FARS2: variants seen among roughly 807,000 people sequenced by gnomAD.
FARS2 encodes the protein phenylalanine--tRNA ligase, mitochondrial.
FARS2 carries 40 observed loss-of-function variants against 46.4 expected under a neutral mutation model. The observed-to-expected ratio is 0.86, with a 90% CI of 0.67 to 1.12. The LOEUF is 1.12. Ranked by LOEUF, FARS2 falls within the 50% of genes most tolerant of loss-of-function variation. The pLI is 0.00. For missense variants in FARS2, 513 were observed against 567.9 expected (o/e 0.90, Z 0.98); for synonymous variants, 234 against 214.9 (o/e 1.09, Z -0.78).
At chr6:5,354,959 A>G (rs1442644325) in intron 1 of FARS2, among the ~76,000 whole-genome samples, 2 of 152,126 alleles carry the variant, frequency 1.3e-5, no homozygotes, top group Admixed American at 6.5e-5. Flanking sequence ...GGTGATGTCA[A>G]TGTCACTGGT....
At chr6:5,584,845 TTG>T (rs2150588507) in intron 5 of FARS2, among the ~76,000 whole-genome samples, 1 of 152,332 alleles carries the variant, frequency 6.6e-6, no homozygotes, top group African/African-American at 2.4e-5. Context: ...AGGCCTATGT[TTG>T]TGCATTTGCC....
intron 1 of FARS2, among the ~76,000 whole-genome samples, chr6:5,341,037 A>T (rs1295143601): frequency 1.3e-5 from 2 of 150,256 alleles, no homozygotes; most frequent in African/African-American, 2.4e-5. Context: ...AATCCCAGCT[A>T]CTCAGGAGGC....
chr6:5,340,586 G>A (rs1267498381), intron 1 of FARS2, among the ~76,000 whole-genome samples: 1 of 152,012 alleles, frequency 6.6e-6, no homozygotes, highest in Admixed American at 6.5e-5. Flanking sequence ...TTTAGCCTAC[G>A]TTTTCCTAAT....
At chr6:5,570,711 A>G (rs758480263) in intron 5 of FARS2, among the ~76,000 whole-genome samples, 39 of 152,356 alleles carry the variant, frequency 2.6e-4, no homozygotes, top group Non-Finnish European at 3.4e-4. Context: ...GCACAGAACC[A>G]CAACATGATT....
At chr6:5,363,559 G>A (rs1006976764) in intron 1 of FARS2, among the ~76,000 whole-genome samples, 1 of 152,126 alleles carries the variant, frequency 6.6e-6, no homozygotes, top group Non-Finnish European at 1.5e-5. Context: ...GAGAGAAAGA[G>A]TATGTGTATA....
At chr6:5,541,922 C>G (rs1327566651) in intron 4 of FARS2, among the ~76,000 whole-genome samples, 1 of 152,058 alleles carries the variant, frequency 6.6e-6, no homozygotes, top group Non-Finnish European at 1.5e-5. Context: ...GGGTTCCTCC[C>G]CCTTTTAGAG....
In FARS2 at chr6:5,434,207, G is replaced by T. The variant is rs534024327; in HGVS notation, c.904+3035G>T. On this transcript the variant is annotated intron_variant, in intron 4 of 6. Coordinates refer to ENST00000274680, the MANE Select transcript of FARS2 (RefSeq NM_006567.5). Reference sequence around the variant, plus strand: ...CCACTGCAACCTCTGCCCCCGCTGGGTTCAAGCGATTCTTGTGCCTCAGCC... The same window carrying T: ...CCACTGCAACCTCTGCCCCCGCTGGTTTCAAGCGATTCTTGTGCCTCAGCC... 1.3e-4 allele frequency among the ~76,000 whole-genome samples: 20 copies of T among 152,216 alleles called. No individual in the cohort carries two copies. The East Asian group carries it at 3.7e-3, about 28-fold the overall frequency.
intron 5 of FARS2, among the ~76,000 whole-genome samples, chr6:5,563,987 A>G (rs921875573): frequency 3.9e-5 from 6 of 152,214 alleles, no homozygotes; most frequent in African/African-American, 1.4e-4. Context: ...AGCATGTTTC[A>G]TTTAAAACTG....
chr6:5,341,752 C>T (rs1306784465), intron 1 of FARS2, among the ~76,000 whole-genome samples: 1 of 152,116 alleles, frequency 6.6e-6, no homozygotes, highest in East Asian at 1.9e-4. Flanking sequence ...CTCCTGACCT[C>T]AGGCGATCCA....
intron 1 of FARS2, among the ~76,000 whole-genome samples, chr6:5,356,532 A>G (rs1397533592): frequency 3.3e-5 from 5 of 152,088 alleles, no homozygotes; most frequent in African/African-American, 1.2e-4. Context: ...TAGTGTCTCT[A>G]AGTGCAAGAA....
intron 4 of FARS2, chr6:5,457,910 C>T (rs1195521820): frequency 1.3e-5 from 2 of 152,190 alleles, no homozygotes; most frequent in African/African-American, 4.8e-5. Context: ...CACACAGATC[C>T]GTCGTACAAA....
At chr6:5,510,219 G>T (rs1239525571) in intron 4 of FARS2, among the ~76,000 whole-genome samples, 1 of 152,158 alleles carries the variant, frequency 6.6e-6, no homozygotes. Flanking sequence ...TGATTCTGTG[G>T]ATATCTGCAG....
chr6:5,299,085 C>A (rs1768101754), intron 1 of FARS2, among the ~76,000 whole-genome samples: 1 of 152,034 alleles, frequency 6.6e-6, no homozygotes, highest in Non-Finnish European at 1.5e-5. Flanking sequence ...TTCTGCAGAG[C>A]CTTGCGTTTT....
intron 6 of FARS2, among the ~76,000 whole-genome samples, chr6:5,629,213 CT>C (rs1158583937): frequency 6.6e-6 from 1 of 152,112 alleles, no homozygotes; most frequent in East Asian, 1.9e-4. Context: ...AAAATGAGTG[CT>C]TGTCCTCAAG....
chr6:5,521,185 G>T (rs1769113189), intron 4 of FARS2, among the ~76,000 whole-genome samples: 2 of 151,854 alleles, frequency 1.3e-5, no homozygotes, highest in Admixed American at 1.3e-4. Flanking sequence ...TGAATCCTAG[G>T]GCCTTGAAGA....
At chr6:5,598,636 G>C (rs763834077) in intron 5 of FARS2, among the ~76,000 whole-genome samples, 15 of 152,264 alleles carry the variant, frequency 9.9e-5, no homozygotes, top group African/African-American at 3.6e-4. Flanking sequence ...AATGTCTACT[G>C]GGGGGCTGGG....
At chr6:5,527,521 A>G (rs1284339567) in intron 4 of FARS2, among the ~76,000 whole-genome samples, 1 of 152,240 alleles carries the variant, frequency 6.6e-6, no homozygotes, top group Non-Finnish European at 1.5e-5. Context: ...ACAACTCTGT[A>G]CAATGTTTCA....
intron 6 of FARS2, among the ~76,000 whole-genome samples, chr6:5,763,116 T>A (rs1445448714): frequency 2.6e-5 from 4 of 152,244 alleles, no homozygotes; most frequent in African/African-American, 9.6e-5. Flanking sequence ...CCTGCCACGC[T>A]GCACTTTGCC....
chr6:5,738,264 T>A (rs1761077945), intron 6 of FARS2, among the ~76,000 whole-genome samples: 1 of 152,246 alleles, frequency 6.6e-6, no homozygotes, highest in Admixed American at 6.5e-5. Context: ...CTAGAATTTT[T>A]TAAATGTGTC....
Sources: gnomAD v4.1 joint callset for allele counts (sites outside exome capture counted in the v4.1 genomes callset) on GRCh38, gnomAD v4.1.1 for gene constraint, MANE v1.5 for transcripts, NCBI Gene and HGNC (gene_info 2026-07-23, HGNC 2026-07-21) for gene names.